APOL1: variants seen among roughly 807,000 people sequenced by gnomAD.
APOL1 encodes apolipoprotein L 1.
In APOL1, 17 loss-of-function variants were observed where a neutral mutation model predicts 14.9. The ratio of observed to expected loss-of-function variants is 1.14; its 90% CI spans 0.78 to 1.71. The LOEUF is 1.71. Ranked by LOEUF, APOL1 falls within the 40% of genes most tolerant of loss-of-function variation. The probability of loss-of-function intolerance (pLI) is 0.00; values close to 1 mark genes in which losing one functional copy is unlikely to be tolerated. For synonymous variants in APOL1, 195 were observed against 184.8 expected (o/e 1.05, Z -0.45); for missense variants, 523 against 485.9 (o/e 1.08, Z -0.72).
intron 5 of APOL1, among the ~76,000 whole-genome samples, chr22:36,263,577 T>C (rs779074515): frequency 1.6e-4 from 24 of 152,146 alleles, no homozygotes; most frequent in Non-Finnish European, 2.8e-4. Context: ...GGGGCAGAGT[T>C]TGGGAGGGTT....
At chr22:36,253,636 G>A (rs1320216893) in intron 1 of APOL1, among the ~76,000 whole-genome samples, 1 of 152,202 alleles carries the variant, frequency 6.6e-6, no homozygotes, top group Non-Finnish European at 1.5e-5. Context: ...CCCAATGGGG[G>A]CAACAGAATT....
At chr22:36,258,236 G>A (rs1486567565) in intron 4 of APOL1, among the ~76,000 whole-genome samples, 1 of 152,174 alleles carries the variant, frequency 6.6e-6, no homozygotes, top group Non-Finnish European at 1.5e-5. Context: ...GGCAGGGGCT[G>A]AGTTCAGTCA....
At chr22:36,256,802 T>C (rs2015895250) in intron 2 of APOL1, among the ~76,000 whole-genome samples, 1 of 152,282 alleles carries the variant, frequency 6.6e-6, no homozygotes, top group Non-Finnish European at 1.5e-5. Flanking sequence ...CACTGGCAAG[T>C]TCCCTAACTT....
At chr22:36,254,597 C>A (rs1360635285) in intron 1 of APOL1, among the ~76,000 whole-genome samples, 1 of 152,136 alleles carries the variant, frequency 6.6e-6, no homozygotes, top group African/African-American at 2.4e-5. Flanking sequence ...GGCGCGGTGG[C>A]TCACGCCTGT....
intron 1 of APOL1, among the ~76,000 whole-genome samples, 193 bp downstream of exon 1, chr22:36,253,412 A>G (rs1212759659): frequency 6.6e-6 from 1 of 152,232 alleles, no homozygotes; most frequent in Non-Finnish European, 1.5e-5. Flanking sequence ...GAAACAGCTC[A>G]GATGGGTTCA....
chr22:36,265,127 A>G (rs1265941646), intron 5 of APOL1, 24 bp from the exon 6 acceptor site: 1 of 1,611,978 alleles, frequency 6.2e-7, no homozygotes, highest in Non-Finnish European at 8.5e-7. Context: ...GCATTTCTTA[A>G]TCCTTTAACC....
In APOL1 at chr22:36,253,980, C is replaced by T. The variant is rs1038784894; in HGVS notation, c.-20+761C>T. The T allele has an allele frequency of 3.1e-6, 5 of 1,614,048 alleles. No homozygotes were observed. In the African/African-American group the frequency reaches 5.3e-5, roughly 17 times the overall value. On this transcript the variant is annotated intron_variant, in intron 1 of 5. Transcript: ENST00000397278. ...TTGCAATCATGAGATTCAAAAGCCACACTGTGGAATTGTGAGTATAACTAC... is the reference window on the plus strand; with the variant it reads ...TTGCAATCATGAGATTCAAAAGCCATACTGTGGAATTGTGAGTATAACTAC...
chr22:36,266,316 C>T lies in APOL1; in HGVS notation c.*283C>T, dbSNP rs570583963. 202 of 422,448 alleles carry T rather than the reference C, an allele frequency of 4.8e-4. No individual in the cohort carries two copies. Among genetic ancestry groups the T allele is most frequent in the Non-Finnish European group, 7.2e-4 (173 of 239,742 alleles). The allele number at this position is 422,448 out of a possible 1,614,324, so 26.2% of individuals were successfully genotyped here. ...ATGTTGGCCAGGATGGTCTCGATCT[C>T]CTGACCTCTTGATCTGCCCACCTTG... is the stretch of plus-strand genomic sequence containing the variant. On this transcript the variant is annotated 3_prime_UTR_variant, in exon 6 of 6. Coordinates refer to ENST00000397278, the MANE Select transcript of APOL1 (RefSeq NM_003661.4).
Position 36,253,990 on chromosome 22 carries a change from T to C in APOL1, c.-20+771T>C, listed in dbSNP as rs781603527. ...GAGATTCAAAAGCCACACTGTGGAA[T>C]TGTGAGTATAACTACAGGAGTGAGA... On this transcript the variant is annotated intron_variant, in intron 1 of 5. Coordinates refer to ENST00000397278, the MANE Select transcript of APOL1 (RefSeq NM_003661.4). 1.1e-4 allele frequency: 173 copies of C among 1,614,076 alleles called. No homozygotes were observed. The highest frequency in any genetic ancestry group is 1.3e-4 in the East Asian group (6 of 44,902).
rs1181319554 is a variant in APOL1, at chr22:36,257,360, C to T, written c.140C>T (p.Pro47Leu). 1 of 1,614,174 alleles carries T rather than the reference C, an allele frequency of 6.2e-7. No individual in the cohort carries two copies. The highest frequency in any genetic ancestry group is 2.2e-5 in the East Asian group (1 of 44,886). The change falls in exon 4 of 6, where the codon CCT becomes CTT. Residue 47 changes from proline to leucine, a missense_variant. Pro to Leu is a moderately conservative substitution (Grantham distance 98). Transcript: ENST00000397278. ...NVPSGTDTGD[P>L]QSKPLGDWAA... ...CCAAGTGGGACAGATACTGGAGATC[C>T]TCAAAGTAAGCCCCTCGGTGACTGG...
chr22:36,256,984 C>T (rs1293376582), intron 2 of APOL1, 99 bp from the exon 3 acceptor site: 14 of 1,347,248 alleles, frequency 1.0e-5, no homozygotes, highest in African/African-American at 1.4e-5. Context: ...TTGTCAGAAC[C>T]TTCCTCCCCA....
intron 4 of APOL1, among the ~76,000 whole-genome samples, chr22:36,258,261 G>A (rs771362595): frequency 5.9e-5 from 9 of 152,020 alleles, no homozygotes; most frequent in African/African-American, 7.3e-5. Flanking sequence ...AAATACCCCC[G>A]GTCAAAGAAA....
At chr22:36,260,091 C>T (rs2016029870) in intron 4 of APOL1, among the ~76,000 whole-genome samples, 1 of 152,178 alleles carries the variant, frequency 6.6e-6, no homozygotes. Context: ...TTACTTTCTT[C>T]ATCTGTGAAT....
At chr22:36,257,700 G>GC (rs1321409445) in intron 4 of APOL1, 2 of 305,742 alleles carry the variant, frequency 6.5e-6, no homozygotes, top group East Asian at 7.0e-5. Context: ...AATCAGCGGG[G>GC]GGGGGGGGGA....
chr22:36,257,677 C>A, intron 4 of APOL1: 1 of 302,564 alleles, frequency 3.3e-6, no homozygotes. Flanking sequence ...GCAGGACATC[C>A]TTGGGGAAGT....
intron 4 of APOL1, among the ~76,000 whole-genome samples, chr22:36,258,867 G>A (rs2015983126): frequency 6.6e-6 from 1 of 152,158 alleles, no homozygotes; most frequent in South Asian, 2.1e-4. Flanking sequence ...GGGTATGATT[G>A]AGTGTGAGGC....
chr22:36,265,929 TC>T lies in APOL1; in HGVS notation c.1094del (p.Ser365Ter). The T allele has an allele frequency of 6.2e-7, 1 of 1,614,040 alleles. No individual in the cohort carries two copies. Among genetic ancestry groups the T allele is most frequent in the Non-Finnish European group, 8.5e-7 (1 of 1,179,998 alleles). ...AAAGCACTTACATGAGGGGGCAAAG[TC>T]AGAGACAGCTGAGGAGCTGAAGAAG... ...ESKHLHEGAKSETAEELKKVA... is the reference protein window; with the variant it reads ...ESKHLHEGAKXETAEELKKVA... On this transcript the variant is annotated frameshift_variant, in exon 6 of 6. Coordinates refer to ENST00000397278, the MANE Select transcript of APOL1 (RefSeq NM_003661.4). LOFTEE classifies it low-confidence loss of function (END_TRUNC).
At position 36,253,179 on chromosome 22, in the gene APOL1, A is replaced by G; in HGVS notation, c.-60A>G. 4.0e-6 allele frequency: 2 copies of G among 505,020 alleles called. No individual in the cohort carries two copies. The highest frequency in any genetic ancestry group is 4.1e-5 in the Admixed American group (2 of 49,044). 31.3% of individuals were successfully genotyped at this position (505,020 alleles called of 1,614,324 possible). Reference sequence around the variant, plus strand: ...AGGTGGGATCCACACAGCTCAGAACAGCTGGATCTTGCTCAGTCTCTGCCA... The same window carrying G: ...AGGTGGGATCCACACAGCTCAGAACGGCTGGATCTTGCTCAGTCTCTGCCA... On this transcript the variant is annotated 5_prime_UTR_variant, in exon 1 of 6. Coordinates refer to ENST00000397278, the MANE Select transcript of APOL1 (RefSeq NM_003661.4).
At chr22:36,256,917 G>T (rs2015899427) in intron 2 of APOL1, among the ~76,000 whole-genome samples, 166 bp from the exon 3 acceptor site, 1 of 152,210 alleles carries the variant, frequency 6.6e-6, no homozygotes. Context: ...TCGCAGACAT[G>T]CAATACACAC....
Sources: allele counts gnomAD v4.1 joint callset (sites outside exome capture counted in the v4.1 genomes callset), GRCh38; gene constraint gnomAD v4.1.1; transcripts MANE v1.5; gene names NCBI Gene and HGNC (gene_info 2026-07-23, HGNC 2026-07-21).